The following ZP3 variants were observed in gnomAD, a reference collection of about 807,000 sequenced individuals.
The protein encoded by ZP3 is zona pellucida sperm-binding protein 3.
In ZP3, 21 loss-of-function variants were observed where a neutral mutation model predicts 35.6. That is an observed-to-expected ratio of 0.59 (90% confidence interval 0.42 to 0.85). The LOEUF (loss-of-function observed/expected upper bound fraction) is 0.85, where lower values mean the gene tolerates loss of function less well. Among genes scored for constraint, ZP3 ranks in the 40% least tolerant of loss-of-function variants. The probability of loss-of-function intolerance (pLI) is 0.00; values close to 1 mark genes in which losing one functional copy is unlikely to be tolerated. For synonymous variants in ZP3, 207 were observed against 214.5 expected (o/e 0.96, Z 0.31); for missense variants, 437 against 536.5 (o/e 0.81, Z 1.83).
At chr7:76,400,894 G>T in intron 1 of ZP3, 1 of 1,379,940 alleles carries the variant, frequency 7.2e-7, no homozygotes, top group Non-Finnish European at 1.0e-6. Context: ...CCTGAGATGG[G>T]GGCATCTAGA....
At chr7:76,440,921 C>T (rs62475570) in intron 7 of ZP3, among the ~76,000 whole-genome samples, 467 of 124,396 alleles carry the variant, frequency 3.8e-3, no homozygotes, top group African/African-American at 5.5e-3. Context: ...CCTGTAATCC[C>T]AGCACTTCGG....
chr7:76,428,086 G>A (rs1805719293), intron 1 of ZP3, among the ~76,000 whole-genome samples: 1 of 151,928 alleles, frequency 6.6e-6, no homozygotes, highest in African/African-American at 2.4e-5. Flanking sequence ...AGCACTTTGG[G>A]AGGCTGAGGC....
chr7:76,401,034 A>C lies in ZP3; in HGVS notation c.-67+3237A>C, dbSNP rs1275637941. 1.3e-6 allele frequency: 2 copies of C among 1,548,920 alleles called. No homozygotes were observed. Among genetic ancestry groups the C allele is most frequent in the South Asian group, 2.4e-5 (2 of 83,720 alleles). On this transcript the variant is annotated intron_variant, in intron 1 of 8. Coordinates refer to the ZP3 transcript ENST00000336517. The stretch of plus-strand genomic sequence containing the variant: ...TTGAAAGGGCAGTGGAGTGGGCTGT[A>C]GGGCGCTGGCTGAAACAGAGTGAGG...
At chr7:76,433,117 GTTT>G (rs1805880417) in intron 3 of ZP3, 87 bp downstream of exon 3, 9 of 1,111,340 alleles carry the variant, frequency 8.1e-6, no homozygotes, top group South Asian at 5.8e-5. Context: ...TTTTTTGTTT[GTTT>G]GGTTTTGGTT....
intron 1 of ZP3, among the ~76,000 whole-genome samples, chr7:76,426,511 GCT>G (rs140173777): frequency 0.025 from 3,862 of 152,216 alleles, 127 homozygotes; most frequent in East Asian, 0.13. Flanking sequence ...GGTCTCCTGG[GCT>G]CTCTTTGAGG....
At chr7:76,436,698 G>A (rs1806024008) in intron 5 of ZP3, among the ~76,000 whole-genome samples, 1 of 152,248 alleles carries the variant, frequency 6.6e-6, no homozygotes. Context: ...GGCAGATTTG[G>A]GAAAAGAGTC....
At chr7:76,417,212 C>G (rs1045855135) in intron 1 of ZP3, among the ~76,000 whole-genome samples, 1 of 151,982 alleles carries the variant, frequency 6.6e-6, no homozygotes, top group African/African-American at 2.4e-5. Flanking sequence ...CATGCACCAC[C>G]ATGCCCGGCT....
chr7:76,429,913 G>A (rs921187652), intron 2 of ZP3, among the ~76,000 whole-genome samples: 2 of 152,166 alleles, frequency 1.3e-5, no homozygotes, highest in African/African-American at 4.8e-5. Context: ...TTAGGGTTCA[G>A]AAATGGCCTT....
At chr7:76,423,029 A>AGAG (rs767704641), upstream of ZP3, among the ~76,000 whole-genome samples, 1,372 of 55,210 alleles carry the variant, frequency 0.025, 24 homozygotes, top group African/African-American at 0.035. Flanking sequence ...GAGAGAGAGA[A>AGAG]AGAAAGAAAG....
intron 1 of ZP3, among the ~76,000 whole-genome samples, chr7:76,416,960 AT>A (rs1563692968): frequency 1.8e-4 from 27 of 147,352 alleles, no homozygotes; most frequent in Admixed American, 1.4e-3. Context: ...ATATATATAT[AT>A]ATATATATAT....
At chr7:76,398,027 C>T (rs1804697808) in intron 1 of ZP3, among the ~76,000 whole-genome samples, 1 of 152,066 alleles carries the variant, frequency 6.6e-6, no homozygotes, top group Non-Finnish European at 1.5e-5. Context: ...AAAACCAACC[C>T]CCCTACCCTG....
At chr7:76,399,876 T>C (rs1396158579) in intron 1 of ZP3, among the ~76,000 whole-genome samples, 2 of 152,120 alleles carry the variant, frequency 1.3e-5, no homozygotes, top group African/African-American at 4.8e-5. Flanking sequence ...GACTTGGACC[T>C]GTAGTTCCAG....
intron 5 of ZP3, among the ~76,000 whole-genome samples, chr7:76,437,171 CTTT>C (rs869115807): frequency 0.081 from 6,174 of 76,500 alleles, 5 homozygotes; most frequent in South Asian, 0.14. Context: ...ACCCTGTGTA[CTTT>C]TTTTTTTTTT....
intron 5 of ZP3, among the ~76,000 whole-genome samples, chr7:76,435,937 G>GCTGGT (rs1241547015): frequency 1.3e-5 from 2 of 151,372 alleles, no homozygotes; most frequent in African/African-American, 4.8e-5. Flanking sequence ...TTTTGGCCAG[G>GCTGGT]CTGGTCTTGA....
At chr7:76,420,277 A>C (rs992999658), upstream of ZP3, among the ~76,000 whole-genome samples, 2 of 152,106 alleles carry the variant, frequency 1.3e-5, no homozygotes, top group Non-Finnish European at 2.9e-5. Context: ...TCGGCCTCCC[A>C]AAATCGTGTG....
At chr7:76,432,815 G>T in intron 2 of ZP3, 112 bp from the exon 3 acceptor site, 1 of 828,912 alleles carries the variant, frequency 1.2e-6, no homozygotes, top group South Asian at 1.7e-5. Flanking sequence ...CTACCTGGCT[G>T]GGCCATAGCT....
intron 1 of ZP3, among the ~76,000 whole-genome samples, chr7:76,427,725 G>A (rs1048821038): frequency 5.3e-5 from 8 of 152,144 alleles, no homozygotes; most frequent in African/African-American, 1.7e-4. Context: ...ATCGAGTTTG[G>A]TCAGGGCCAG....
rs2115883156 is a variant in ZP3 at position 76,425,279 on chromosome 7, AAG to A, written c.312+8_312+9del. 3 of 1,598,364 alleles carry A rather than the reference AAG, an allele frequency of 1.9e-6. No individual in the cohort carries two copies. The highest frequency in any genetic ancestry group is 2.6e-6 in the Non-Finnish European group (3 of 1,170,716). ...ACGAGTGTGGCAACAGCATGCAGGT[AAG>A]AGAGGCTGGGGGCCCTGGCTTTGGT... On this transcript the variant is annotated splice_donor_5th_base_variant and intron_variant, in intron 1 of 7. Coordinates refer to ENST00000394857, the MANE Select transcript of ZP3 (RefSeq NM_001110354.2).
chr7:76,400,471 C>T lies in ZP3; in HGVS notation c.-67+2674C>T, dbSNP rs778715074. 49 of 1,607,722 alleles carry T rather than the reference C, an allele frequency of 3.0e-5. No homozygotes were observed. The highest frequency in any genetic ancestry group is 1.3e-4 in the South Asian group (12 of 90,586). On this transcript the variant is annotated intron_variant, in intron 1 of 8. Coordinates refer to the ZP3 transcript ENST00000336517. ...CAGTGCCAGGCCACAGCCCAGCTGG[C>T]GACACACTACGTTGGCGTCCACCAC...
Sources: gnomAD v4.1 joint callset for allele counts (sites outside exome capture counted in the v4.1 genomes callset) on GRCh38, gnomAD v4.1.1 for gene constraint, MANE v1.5 for transcripts, NCBI Gene and HGNC (gene_info 2026-07-23, HGNC 2026-07-21) for gene names.